SLC44A5: variants seen among roughly 807,000 people sequenced by gnomAD.
The protein encoded by SLC44A5 is solute carrier family 44 member 5, also known as choline transporter-like protein 5.
SLC44A5 carries 57 observed loss-of-function variants against 101.8 expected under a neutral mutation model. The ratio of observed to expected loss-of-function variants is 0.56; its 90% CI spans 0.45 to 0.70. SLC44A5 has a LOEUF of 0.70. SLC44A5 is among the 30% of genes least tolerant of loss of function. The pLI, the probability that SLC44A5 is intolerant of heterozygous loss-of-function variation, is 0.00. For synonymous variants in SLC44A5, 281 were observed against 290.9 expected, an observed-to-expected ratio of 0.97 and a Z score of 0.35; for missense variants, 737 against 853.1, an observed-to-expected ratio of 0.86 and a Z score of 1.70.
chr1:75,503,394 G>A (rs983032288), intron 2 of SLC44A5, among the ~76,000 whole-genome samples: 1 of 151,912 alleles, frequency 6.6e-6, no homozygotes, highest in African/African-American at 2.4e-5. Context: ...GAGTTCTCAC[G>A]AGATCCGGTT....
intron 4 of SLC44A5, among the ~76,000 whole-genome samples, chr1:75,312,176 T>C (rs1270246713): frequency 6.6e-6 from 1 of 152,192 alleles, no homozygotes; most frequent in Non-Finnish European, 1.5e-5. Context: ...TGCCACCATG[T>C]AAGATGTGAC....
chr1:75,461,872 T>C lies in SLC44A5; in HGVS notation c.14-65251A>G, dbSNP rs551113467. Among the ~76,000 whole-genome samples, 29 of 152,198 alleles carry C rather than the reference T, an allele frequency of 1.9e-4. 1 individual carries two copies. In the South Asian group the frequency reaches 5.4e-3, roughly 28 times the overall value. On this transcript the variant is annotated intron_variant, in intron 2 of 23. Coordinates refer to ENST00000370859, the MANE Select transcript of SLC44A5 (RefSeq NM_001130058.2). ...GGGGAGGGAAAAATGGAAAGTACAA[T>C]AGAACATCAGATGGCCTTTTAAGGT...
At chr1:75,507,981 C>A (rs1350060951) in intron 2 of SLC44A5, among the ~76,000 whole-genome samples, 1 of 152,058 alleles carries the variant, frequency 6.6e-6, no homozygotes, top group Non-Finnish European at 1.5e-5. Context: ...AGACAGAAAG[C>A]TAACAAGAAA....
chr1:75,208,497 A>G (rs1185240851), intron 23 of SLC44A5, among the ~76,000 whole-genome samples: 1 of 152,202 alleles, frequency 6.6e-6, no homozygotes, highest in Non-Finnish European at 1.5e-5. Flanking sequence ...AAGAAGAAAA[A>G]AGAATTTTAA....
At chr1:75,551,054 C>A (rs539936368) in intron 1 of SLC44A5, among the ~76,000 whole-genome samples, 4 of 152,012 alleles carry the variant, frequency 2.6e-5, no homozygotes, top group Non-Finnish European at 5.9e-5. Context: ...ACACAGTAGA[C>A]CCTCAATCAC....
At chr1:75,683,841 G>C in the SLC44A5 span, among the ~76,000 whole-genome samples, 2 of 151,892 alleles carry the variant, frequency 1.3e-5, no homozygotes, top group Non-Finnish European at 2.9e-5. Context: ...CCTCTATAAA[G>C]ACATGTATAG....
At chr1:75,324,688 C>G (rs12562924) in intron 4 of SLC44A5, among the ~76,000 whole-genome samples, 2 of 152,036 alleles carry the variant, frequency 1.3e-5, no homozygotes, top group Admixed American at 1.3e-4. Flanking sequence ...TCAGCCCTTC[C>G]TCAGGAATTT....
At chr1:75,210,631 A>C (rs1051205600) in intron 23 of SLC44A5, among the ~76,000 whole-genome samples, 1 of 152,172 alleles carries the variant, frequency 6.6e-6, no homozygotes, top group Non-Finnish European at 1.5e-5. Flanking sequence ...CCACATATCT[A>C]GTTCCCAGAG....
At chr1:75,264,230 C>A (rs1395385192) in intron 6 of SLC44A5, among the ~76,000 whole-genome samples, 1 of 152,044 alleles carries the variant, frequency 6.6e-6, no homozygotes, top group East Asian at 1.9e-4. Context: ...TGTGTCTCCA[C>A]ATCCCTGGAG....
chr1:75,408,934 A>G lies in SLC44A5; in HGVS notation c.14-12313T>C, dbSNP rs554887768. ...TGTTAATGCCTTTCCTTACAGACCA[A>G]AGAAGTTCTGAAAGATGGTGCTATA... is the stretch of plus-strand genomic sequence containing the variant. On this transcript the variant is annotated intron_variant, in intron 2 of 23. Transcript: ENST00000370859. Among the ~76,000 whole-genome samples, 231 of 152,268 alleles carry G rather than the reference A, an allele frequency of 1.5e-3. 1 individual carries two copies. The highest frequency in any genetic ancestry group is 5.4e-3 in the African/African-American group (223 of 41,552).
chr1:75,469,222 A>G (rs1666975533), intron 2 of SLC44A5, among the ~76,000 whole-genome samples: 1 of 152,184 alleles, frequency 6.6e-6, no homozygotes, highest in Non-Finnish European at 1.5e-5. Context: ...TCTGTATTTT[A>G]CATTTACAGC....
chr1:75,662,480 T>C, the SLC44A5 span, among the ~76,000 whole-genome samples: 2 of 151,270 alleles, frequency 1.3e-5, no homozygotes, highest in Non-Finnish European at 2.9e-5. Context: ...TAATTTACTG[T>C]ATATTTTTAA....
chr1:75,637,956 T>G, the SLC44A5 span, among the ~76,000 whole-genome samples: 1 of 152,038 alleles, frequency 6.6e-6, no homozygotes, highest in East Asian at 1.9e-4. Context: ...TCTTTCCCTC[T>G]ATTACCTAGT....
chr1:75,521,447 T>C (rs114336596), intron 2 of SLC44A5: 1 of 152,328 alleles, frequency 6.6e-6, no homozygotes, highest in Non-Finnish European at 1.5e-5. Flanking sequence ...TGAATATCTG[T>C]CTGACTTGCC....
intron 2 of SLC44A5, among the ~76,000 whole-genome samples, chr1:75,489,236 A>AT (rs1402297272): frequency 1.4e-5 from 2 of 147,152 alleles, no homozygotes; most frequent in Non-Finnish European, 3.1e-5. Flanking sequence ...GAGAGTAATT[A>AT]TTTTAAAAAA....
At chr1:75,704,874 G>A in the SLC44A5 span, among the ~76,000 whole-genome samples, 5 of 151,998 alleles carry the variant, frequency 3.3e-5, no homozygotes, top group African/African-American at 9.7e-5. Context: ...ACAGCATCTT[G>A]TTTCTAACTT....
chr1:75,640,063 T>C, the SLC44A5 span, among the ~76,000 whole-genome samples: 46 of 152,084 alleles, frequency 3.0e-4, no homozygotes, highest in African/African-American at 1.1e-3. Flanking sequence ...AATAAAGATA[T>C]GTAAGTTACT....
upstream of SLC44A5, chr1:75,615,818 GGGA>G (rs1438715882): frequency 2.0e-6 from 2 of 977,144 alleles, no homozygotes; most frequent in Non-Finnish European, 2.4e-6. Flanking sequence ...GGTGAGAGAG[GGGA>G]GGCGGCGAGG....
intron 2 of SLC44A5, among the ~76,000 whole-genome samples, chr1:75,419,105 TG>T (rs1415350624): frequency 6.6e-6 from 1 of 152,092 alleles, no homozygotes; most frequent in African/African-American, 2.4e-5. Context: ...CTAAAATTTG[TG>T]GGCAAAATAT....
Sources: gnomAD v4.1 joint callset for allele counts (sites outside exome capture counted in the v4.1 genomes callset) on GRCh38, gnomAD v4.1.1 for gene constraint, MANE v1.5 for transcripts, NCBI Gene and HGNC (gene_info 2026-07-23, HGNC 2026-07-21) for gene names.